AGBL1: variants seen among roughly 807,000 people sequenced by gnomAD.
AGBL1 encodes the protein AGBL carboxypeptidase 1, also known as cytosolic carboxypeptidase 4.
A neutral mutation model predicts 118.9 loss-of-function variants in AGBL1; 130 were observed. That is an observed-to-expected ratio of 1.09 (90% CI 0.95 to 1.26). The LOEUF (loss-of-function observed/expected upper bound fraction) is 1.26. Among genes scored for constraint, AGBL1 ranks in the 50% most tolerant of loss-of-function variants. AGBL1 has a pLI of 0.00. For missense variants in AGBL1, 1,584 were observed against 1,298.1 expected (o/e 1.22, Z -3.38); for synonymous variants, 555 against 478.9 (o/e 1.16, Z -2.08).
chr15:86,966,867 T>C (rs773006731), intron 23 of AGBL1, among the ~76,000 whole-genome samples: 1 of 152,122 alleles, frequency 6.6e-6, no homozygotes, highest in Non-Finnish European at 1.5e-5. Context: ...GGCCAAATGG[T>C]ATTTCTAGTT....
At chr15:86,846,626 G>C (rs903787997) in intron 22 of AGBL1, among the ~76,000 whole-genome samples, 1 of 152,212 alleles carries the variant, frequency 6.6e-6, no homozygotes. Flanking sequence ...CTGCCTCCCG[G>C]GTTCAAGCAG....
At chr15:86,381,301 A>T (rs1381269441) in intron 17 of AGBL1, among the ~76,000 whole-genome samples, 1 of 152,234 alleles carries the variant, frequency 6.6e-6, no homozygotes, top group Non-Finnish European at 1.5e-5. Context: ...TGACATTCTT[A>T]TGAATACTAA....
rs138490379 is a variant in AGBL1, at chr15:86,632,274, T to TAAAAAAA, written c.2995-41987_2995-41981dup. On this transcript the variant is annotated intron_variant, in intron 21 of 22. Transcript: ENST00000614907. Reference sequence around the variant, plus strand: ...CAGCGCAAGACCCTGTCTTTCTCTTTAAAAAAAAAAAAAAAAAAGGCTGGC... The same window carrying TAAAAAAA: ...CAGCGCAAGACCCTGTCTTTCTCTTTAAAAAAAAAAAAAAAAAAAAAAAAAGGCTGGC... Among the ~76,000 whole-genome samples, 186 of 125,252 alleles carry TAAAAAAA rather than the reference T, an allele frequency of 1.5e-3. 2 individuals are homozygous for TAAAAAAA. The highest frequency in any genetic ancestry group is 4.2e-3 in the African/African-American group (133 of 31,810). 82.2% of individuals were successfully genotyped at this position (125,252 alleles called of 152,430 possible).
At chr15:86,936,829 T>G (rs1429401975) in intron 23 of AGBL1, among the ~76,000 whole-genome samples, 1 of 152,184 alleles carries the variant, frequency 6.6e-6, no homozygotes, top group Non-Finnish European at 1.5e-5. Context: ...TAAGAGCTTC[T>G]GCACAGAAAA....
intron 24 of AGBL1, among the ~76,000 whole-genome samples, chr15:87,001,871 T>A (rs2081442112): frequency 6.6e-6 from 1 of 152,014 alleles, no homozygotes; most frequent in Non-Finnish European, 1.5e-5. Context: ...AGATTCTGGA[T>A]GTATTAGCCC....
chr15:86,824,100 G>T (rs2078975777), intron 22 of AGBL1, among the ~76,000 whole-genome samples: 1 of 151,766 alleles, frequency 6.6e-6, no homozygotes, highest in African/African-American at 2.4e-5. Flanking sequence ...ACAAATAAAA[G>T]AAATAAAAGG....
intron 22 of AGBL1, among the ~76,000 whole-genome samples, chr15:86,879,468 A>G (rs1255447254): frequency 6.6e-6 from 1 of 152,142 alleles, no homozygotes. Flanking sequence ...GCCTGAGTCC[A>G]GGTTGCTCTT....
chr15:86,169,285 T>C (rs535665668), intron 5 of AGBL1, among the ~76,000 whole-genome samples: 1 of 152,228 alleles, frequency 6.6e-6, no homozygotes, highest in African/African-American at 2.4e-5. Context: ...TAGCTGGATA[T>C]GCAAGCGTAC....
intron 18 of AGBL1, among the ~76,000 whole-genome samples, chr15:86,405,426 G>A (rs921899148): frequency 6.6e-6 from 1 of 152,104 alleles, no homozygotes; most frequent in Non-Finnish European, 1.5e-5. Flanking sequence ...TGAGACAGGA[G>A]AATGGCATGA....
chr15:86,346,537 G>A (rs2080540443), intron 17 of AGBL1, among the ~76,000 whole-genome samples: 1 of 151,646 alleles, frequency 6.6e-6, no homozygotes. Flanking sequence ...TTTTAGTAGA[G>A]ACAGGGTTTC....
chr15:86,919,429 T>C (rs2141617172), downstream of AGBL1, among the ~76,000 whole-genome samples: 1 of 152,266 alleles, frequency 6.6e-6, no homozygotes, highest in Non-Finnish European at 1.5e-5. Flanking sequence ...TTCTCATCTT[T>C]AGTGGCTACA....
At chr15:86,703,825 G>A (rs2086401427) in intron 22 of AGBL1, among the ~76,000 whole-genome samples, 1 of 151,934 alleles carries the variant, frequency 6.6e-6, no homozygotes, top group African/African-American at 2.4e-5. Context: ...GTGGAAGTGT[G>A]AGTCAATTAA....
At chr15:86,371,612 T>C (rs1448481888) in intron 17 of AGBL1, among the ~76,000 whole-genome samples, 1 of 152,212 alleles carries the variant, frequency 6.6e-6, no homozygotes, top group East Asian at 1.9e-4. Context: ...ATTATGTGTG[T>C]GTGGACTCCC....
At chr15:86,154,705 C>T (rs892372544) in intron 4 of AGBL1, 144 bp downstream of exon 4, 1 of 1,092,490 alleles carries the variant, frequency 9.2e-7, no homozygotes, top group African/African-American at 1.6e-5. Context: ...AAGAGACTGA[C>T]AATCCAGAGG....
intron 17 of AGBL1, among the ~76,000 whole-genome samples, chr15:86,336,887 A>G (rs1023897729): frequency 2.6e-5 from 4 of 152,200 alleles, no homozygotes; most frequent in Admixed American, 6.5e-5. Flanking sequence ...TACCCAACCT[A>G]AGTAAAAATT....
At chr15:86,240,201 G>A (rs913560456) in intron 6 of AGBL1, among the ~76,000 whole-genome samples, 4 of 152,188 alleles carry the variant, frequency 2.6e-5, no homozygotes, top group Non-Finnish European at 5.9e-5. Flanking sequence ...TAAGACAAAT[G>A]AGATGATCCA....
At chr15:86,221,567 A>G (rs2078280701) in intron 5 of AGBL1, among the ~76,000 whole-genome samples, 1 of 152,210 alleles carries the variant, frequency 6.6e-6, no homozygotes, top group Non-Finnish European at 1.5e-5. Context: ...GCAGACATGT[A>G]ACCACTGAAT....
intron 7 of AGBL1, among the ~76,000 whole-genome samples, chr15:86,248,504 A>C (rs1185743795): frequency 2.0e-5 from 3 of 152,212 alleles, no homozygotes; most frequent in Admixed American, 6.5e-5. Context: ...ACTTTGAAGA[A>C]GTCACTCAAC....
chr15:86,851,923 G>GTTTTTAT (rs1171494911), intron 22 of AGBL1, among the ~76,000 whole-genome samples: 6 of 152,152 alleles, frequency 3.9e-5, no homozygotes, highest in African/African-American at 1.4e-4. Context: ...GCAGTGGCAG[G>GTTTTTAT]TTTTTATTTT....
Sources: gnomAD v4.1 joint callset for allele counts (sites outside exome capture counted in the v4.1 genomes callset) on GRCh38, gnomAD v4.1.1 for gene constraint, MANE v1.5 for transcripts, NCBI Gene and HGNC (gene_info 2026-07-23, HGNC 2026-07-21) for gene names.